SLC38A11: variants seen among roughly 807,000 people sequenced by gnomAD.
SLC38A11 encodes the protein putative sodium-coupled neutral amino acid transporter 11.
In SLC38A11, 51 loss-of-function variants were observed where a neutral mutation model predicts 49.4. The ratio of observed to expected loss-of-function variants is 1.03; its 90% CI spans 0.83 to 1.30. The LOEUF is 1.30. Among genes scored for constraint, SLC38A11 ranks in the 50% most tolerant of loss-of-function variants. The pLI is 0.00. For synonymous variants in SLC38A11, 203 were observed against 192.9 expected, an observed-to-expected ratio of 1.05 and a Z score of -0.43; for missense variants, 574 against 556.2, an observed-to-expected ratio of 1.03 and a Z score of -0.32.
At chr2:164,913,397 T>A (rs1573905498) in intron 9 of SLC38A11, among the ~76,000 whole-genome samples, 1 of 152,030 alleles carries the variant, frequency 6.6e-6, no homozygotes, top group South Asian at 2.1e-4. Context: ...AATCTAGAGT[T>A]CCCACCGCCT....
intron 10 of SLC38A11, 100 bp from the exon 11 acceptor site, chr2:164,908,871 A>T: frequency 7.7e-7 from 1 of 1,295,462 alleles, no homozygotes; most frequent in Non-Finnish European, 1.0e-6. Context: ...ATAAAATACT[A>T]CCAACAAGGC....
At chr2:164,947,632 T>C (rs1345743490) in intron 3 of SLC38A11, among the ~76,000 whole-genome samples, 2 of 152,248 alleles carry the variant, frequency 1.3e-5, no homozygotes, top group African/African-American at 4.8e-5. Context: ...ATATAAATTC[T>C]AATTTGGTTA....
At chr2:164,949,827 A>G (rs1377934726) in intron 3 of SLC38A11, 5 of 152,240 alleles carry the variant, frequency 3.3e-5, no homozygotes, top group Admixed American at 2.0e-4. Context: ...TGTTGGTCAC[A>G]GAGTGAGAGA....
intron 5 of SLC38A11, among the ~76,000 whole-genome samples, chr2:164,940,028 T>C (rs1379435651): frequency 6.7e-6 from 1 of 149,496 alleles, no homozygotes; most frequent in African/African-American, 2.4e-5. Context: ...GCAAGAGACT[T>C]GGACACTAAT....
At chr2:164,903,488 T>C (rs1261000687) in intron 11 of SLC38A11, among the ~76,000 whole-genome samples, 1 of 152,196 alleles carries the variant, frequency 6.6e-6, no homozygotes, top group Admixed American at 6.5e-5. Flanking sequence ...CAGTTGAGTA[T>C]CTTGTTTAGA....
chr2:164,913,507 A>G (rs1047080146), intron 9 of SLC38A11, among the ~76,000 whole-genome samples: 1 of 152,094 alleles, frequency 6.6e-6, no homozygotes, highest in Non-Finnish European at 1.5e-5. Context: ...CTGGAGAAAC[A>G]ATGTCAGCTT....
At chr2:164,906,822 A>C (rs1350388747) in intron 11 of SLC38A11, among the ~76,000 whole-genome samples, 3 of 152,180 alleles carry the variant, frequency 2.0e-5, no homozygotes, top group Admixed American at 2.0e-4. Flanking sequence ...TTTACAAGAA[A>C]GTCCCCAGTA....
At chr2:164,946,906 T>A (rs1030648329) in intron 3 of SLC38A11, among the ~76,000 whole-genome samples, 1 of 152,124 alleles carries the variant, frequency 6.6e-6, no homozygotes, top group Non-Finnish European at 1.5e-5. Context: ...ATCCAGTTGA[T>A]ACTTCCTAGA....
chr2:164,933,918 A>T (rs1176964519), intron 7 of SLC38A11, among the ~76,000 whole-genome samples: 1 of 152,146 alleles, frequency 6.6e-6, no homozygotes, highest in Non-Finnish European at 1.5e-5. Flanking sequence ...CTTCTTTAAC[A>T]TCTAAATATT....
intron 3 of SLC38A11, among the ~76,000 whole-genome samples, chr2:164,946,254 CTA>C (rs71028456): frequency 0.59 from 88,964 of 151,752 alleles, 27,624 homozygotes; most frequent in East Asian, 0.98. Flanking sequence ...AAGAGACACT[CTA>C]TGAAATTTTG....
At chr2:164,955,044 GA>G (rs4001062) in intron 1 of SLC38A11, among the ~76,000 whole-genome samples, 164 bp downstream of exon 1, 37,707 of 144,620 alleles carry the variant, frequency 0.26, 5,024 homozygotes, top group East Asian at 0.36. Context: ...TGCCTGCTAA[GA>G]AAAAAAAAAA....
chr2:164,919,284 C>A (rs1686013138), intron 7 of SLC38A11, among the ~76,000 whole-genome samples: 2 of 152,064 alleles, frequency 1.3e-5, no homozygotes, highest in African/African-American at 4.8e-5. Context: ...GAGCCATGAT[C>A]ACCCCATTGC....
chr2:164,919,807 T>C (rs1212997731), intron 7 of SLC38A11, among the ~76,000 whole-genome samples: 1 of 152,216 alleles, frequency 6.6e-6, no homozygotes, highest in Non-Finnish European at 1.5e-5. Flanking sequence ...AATATTTCTG[T>C]CCACAGTTGG....
At position 164,954,731 on chromosome 2, in the gene SLC38A11, G is replaced by A. The variant is rs1368283565; in HGVS notation, c.54C>T (p.Asp18=). The A allele has an allele frequency of 6.6e-7, 1 of 1,519,058 alleles. No homozygotes were observed. 94.1% of individuals were successfully genotyped at this position (1,519,058 alleles called of 1,614,324 possible). ...PVIPPQRDLD[D]RETLVSEHEY... Reference sequence around the variant, plus strand: ...CATGTTCAGAAACAAGGGTTTCTCTGTCATCTAAATCTCTCTAATAGATAA... The same window carrying A: ...CATGTTCAGAAACAAGGGTTTCTCTATCATCTAAATCTCTCTAATAGATAA... Residue 18 remains aspartate, a synonymous_variant, in exon 2 of 12, where the codon GAC becomes GAT. Transcript: ENST00000685975.
At chr2:164,910,600 C>T (rs1685333576) in intron 10 of SLC38A11, among the ~76,000 whole-genome samples, 1 of 152,074 alleles carries the variant, frequency 6.6e-6, no homozygotes, top group East Asian at 1.9e-4. Flanking sequence ...TTTCCCCGTG[C>T]AGTCAGTTCC....
At chr2:164,937,052 G>A (rs1269381516) in intron 7 of SLC38A11, among the ~76,000 whole-genome samples, 2 of 151,946 alleles carry the variant, frequency 1.3e-5, no homozygotes, top group Admixed American at 1.3e-4. Flanking sequence ...CTGAAACTTC[G>A]TTCCTCTTTT....
At chr2:164,921,660 A>C (rs1686214156) in intron 7 of SLC38A11, among the ~76,000 whole-genome samples, 1 of 152,178 alleles carries the variant, frequency 6.6e-6, no homozygotes. Context: ...AAAAATAAAC[A>C]CGTTGAATAA....
intron 7 of SLC38A11, among the ~76,000 whole-genome samples, chr2:164,924,757 T>C (rs1349231641): frequency 1.3e-5 from 2 of 151,982 alleles, no homozygotes; most frequent in Non-Finnish European, 2.9e-5. Flanking sequence ...TATTTTGAGA[T>C]GGAGTCTCGC....
Position 164,896,618 on chromosome 2 carries a change from C to T in SLC38A11, c.*1819G>A, listed in dbSNP as rs1684381775. On this transcript the variant is annotated 3_prime_UTR_variant, in exon 12 of 12. Coordinates refer to ENST00000685975, the MANE Select transcript of SLC38A11 (RefSeq NM_001351537.2). ...ACCTAAACATGTACCAATCTAAAAACAGGCACAAACTGCTTAGCCTATGAC... is the reference window on the plus strand; with the variant it reads ...ACCTAAACATGTACCAATCTAAAAATAGGCACAAACTGCTTAGCCTATGAC... The T allele has an allele frequency of 6.6e-6, 1 of 152,048 alleles. No individual in the cohort carries two copies. The highest frequency in any genetic ancestry group is 6.6e-5 in the Admixed American group (1 of 15,252). 9.4% of individuals were successfully genotyped at this position (152,048 alleles called of 1,614,324 possible). A position where few individuals can be genotyped will look rare whatever the true frequency, so the allele number is the denominator to read the frequency against.
Sources: allele counts gnomAD v4.1 joint callset (sites outside exome capture counted in the v4.1 genomes callset), GRCh38; gene constraint gnomAD v4.1.1; transcripts MANE v1.5; gene names NCBI Gene and HGNC (gene_info 2026-07-23, HGNC 2026-07-21).